MAST1: variants seen among roughly 807,000 people sequenced by gnomAD.
The protein encoded by MAST1 is microtubule associated serine/threonine kinase 1.
Under a neutral mutation model 124.6 loss-of-function variants are expected in MAST1, and 40 were observed. That is an observed-to-expected ratio of 0.32 (90% CI 0.25 to 0.42). MAST1 has a LOEUF of 0.42. Ranked by LOEUF, MAST1 falls within the 10% of genes least tolerant of loss-of-function variation. The probability of loss-of-function intolerance (pLI) is 1.00; values close to 1 mark genes in which losing one functional copy is unlikely to be tolerated. For synonymous variants in MAST1, 938 were observed against 939.4 expected, an observed-to-expected ratio of 1.00 and a Z score of 0.03; for missense variants, 1,558 against 2,181.9, an observed-to-expected ratio of 0.71 and a Z score of 5.70.
chr19:12,874,552 C>T lies in MAST1; in HGVS notation c.4395C>T (p.Pro1465=). The T allele has an allele frequency of 6.6e-7, 1 of 1,512,416 alleles. No homozygotes were observed. Among genetic ancestry groups the T allele is most frequent in the Non-Finnish European group, 8.8e-7 (1 of 1,134,666 alleles). 93.7% of individuals were successfully genotyped at this position (1,512,416 alleles called of 1,614,324 possible). A position where few individuals can be genotyped will look rare whatever the true frequency, so the allele number is the denominator to read the frequency against. The stretch of plus-strand genomic sequence containing the variant: ...CCAAGGGGTTGCAGGAACCCGCACC[C>T]CTGGCGCCTTCCGTGCCCGAGGCCC... ...ADSKGLQEPA[P]LAPSVPEAPR... Residue 1465 remains proline, a synonymous_variant, in exon 26 of 26, where the codon CCC becomes CCT. Transcript: ENST00000251472. The surrounding 1 kb of genome is among the most constrained non-coding windows in gnomAD (Gnocchi z 6.6).
intron 12 of MAST1, among the ~76,000 whole-genome samples, chr19:12,859,778 T>C (rs997325455): frequency 8.7e-5 from 13 of 148,582 alleles, no homozygotes; most frequent in African/African-American, 3.2e-4. Flanking sequence ...TAGGCTGAGA[T>C]CATGCCATTG....
chr19:12,845,411 CAAAAA>C (rs540488398), intron 4 of MAST1, among the ~76,000 whole-genome samples: 3 of 69,108 alleles, frequency 4.3e-5, no homozygotes, highest in African/African-American at 1.9e-4. Flanking sequence ...CCTGTTTCTA[CAAAAA>C]AAAAAAAAAA....
rs566529785 is a variant in MAST1 at position 12,865,232 on chromosome 19, G to A, written c.1638+54G>A. ...GGGTGGAGTGACCCTGCAGGACCTC[G>A]GGAACCCAGGGCCTGGTGGGGGGCA... On this transcript the variant is annotated intron_variant, in intron 14 of 25. Coordinates refer to ENST00000251472, the MANE Select transcript of MAST1 (RefSeq NM_014975.3). This position sits in a 1 kb window ranked among gnomAD's most constrained non-coding sequence, Gnocchi z 7.1. 9.7e-4 allele frequency: 1,545 copies of A among 1,594,536 alleles called. 1 individual carries two copies. Among genetic ancestry groups the A allele is most frequent in the Admixed American group, 1.4e-3 (82 of 58,400 alleles).
rs57798756 is a variant in MAST1 at position 12,842,292 on chromosome 19, C to CT, written c.249-1227dup. ...GTTTACTGTCTCTCTCTCTCTCTCTCTTTTTTTTTTCTTTTCTTGAGACAG... is the reference window on the plus strand; with the variant it reads ...GTTTACTGTCTCTCTCTCTCTCTCTCTTTTTTTTTTTCTTTTCTTGAGACAG... On this transcript the variant is annotated intron_variant, in intron 3 of 25. Transcript: ENST00000251472. Among the ~76,000 whole-genome samples the CT allele has an allele frequency of 5.4e-3, 805 of 148,202 alleles. 8 individuals carry two copies. The highest frequency in any genetic ancestry group is 0.018 in the African/African-American group (735 of 40,344).
At chr19:12,873,171 T>C (rs1278073998) in intron 24 of MAST1, 153 bp from the exon 25 acceptor site, 7 of 706,006 alleles carry the variant, frequency 9.9e-6, no homozygotes, top group East Asian at 2.7e-5. Context: ...AGCACTGAGC[T>C]AAAGGAAGTT....
At chr19:12,855,028 C>T (rs1239494795) in intron 10 of MAST1, among the ~76,000 whole-genome samples, 1 of 151,896 alleles carries the variant, frequency 6.6e-6, no homozygotes, top group East Asian at 1.9e-4. Flanking sequence ...GTCAGGAAGT[C>T]GAGACCAGCC....
In MAST1 at chr19:12,865,912, A is replaced by C. The variant is rs1970148348; in HGVS notation, c.1907-68A>C. 2 of 1,608,908 alleles carry C rather than the reference A, an allele frequency of 1.2e-6. No homozygotes were observed. Among genetic ancestry groups the C allele is most frequent in the Non-Finnish European group, 1.7e-6 (2 of 1,176,468 alleles). The stretch of plus-strand genomic sequence containing the variant: ...GCCTGTGCTGTGGCCCCGGGGCGGA[A>C]GACATGGGGGGCGGGGCTGGGCTGC... On this transcript the variant is annotated intron_variant, in intron 16 of 25. Coordinates refer to ENST00000251472, the MANE Select transcript of MAST1 (RefSeq NM_014975.3). The surrounding 1 kb of genome is among the most constrained non-coding windows in gnomAD (Gnocchi z 7.1).
Position 12,869,032 on chromosome 19 carries a change from G to T in MAST1, c.2774-34G>T, listed in dbSNP as rs1260798910. The T allele has an allele frequency of 1.9e-6, 3 of 1,604,138 alleles. No homozygotes were observed. In the African/African-American group the frequency reaches 4.0e-5, roughly 21 times the overall value. ...ATACAGGGAGATGTCTATCTTCTTGGTTCTGATTTCTGACCATGGTTGTGT... is the reference window on the plus strand; with the variant it reads ...ATACAGGGAGATGTCTATCTTCTTGTTTCTGATTTCTGACCATGGTTGTGT... On this transcript the variant is annotated intron_variant, in intron 21 of 25. Transcript: ENST00000251472.
In MAST1 at chr19:12,848,267, G is replaced by C. The variant is rs183066162; in HGVS notation, c.774+210G>C. ...AATTTCACCTCGCTCATTTCCCTTAGGTCTTTACTCAAATGTCACCTTTTC... is the reference window on the plus strand; with the variant it reads ...AATTTCACCTCGCTCATTTCCCTTACGTCTTTACTCAAATGTCACCTTTTC... On this transcript the variant is annotated intron_variant, in intron 7 of 25. Transcript: ENST00000251472. 2.4e-4 allele frequency: 139 copies of C among 574,872 alleles called. No individual in the cohort carries two copies. In the African/African-American group the frequency reaches 2.5e-3, roughly 10 times the overall value. 35.6% of individuals were successfully genotyped at this position (574,872 alleles called of 1,614,324 possible).
At position 12,851,944 on chromosome 19, in the gene MAST1, G is replaced by T; in HGVS notation, c.785G>T (p.Arg262Leu). 6.2e-7 allele frequency: 1 copy of T among 1,613,788 alleles called. No individual in the cohort carries two copies. ...TGTCCCCTGCCACAGGCCTATGAAC[G>T]CTCTGAGAGCTTGGAGGTGGCCTTC... ...LEKLLQDAYE[R>L]SESLEVAFVT... is the part of the protein sequence containing the mutation. The change falls in exon 8 of 26, where the codon CGC becomes CTC. Residue 262 changes from arginine (R) to leucine (L), a missense_variant. Physicochemically the swap from Arg to Leu is moderately radical, Grantham distance 102. Around this residue, in one of 10 missense-constraint regions of MAST1, gnomAD observed 165 missense variants for 315.3 expected, o/e 0.52. Transcript: ENST00000251472.
intron 10 of MAST1, among the ~76,000 whole-genome samples, chr19:12,853,253 G>A (rs1969984065): frequency 1.3e-5 from 2 of 151,026 alleles, no homozygotes. Context: ...TTACAGGCAT[G>A]AGCCACCGCG....
rs530136642 is a variant in MAST1 at position 12,841,124 on chromosome 19, C to T, written c.248+58C>T. ...TGGGCAGACCCTCCCCAACCACTGT[C>T]TGGGCCGCCATCTGTTCTCCTCCTA... On this transcript the variant is annotated intron_variant, in intron 3 of 25. Coordinates refer to ENST00000251472, the MANE Select transcript of MAST1 (RefSeq NM_014975.3). The surrounding 1 kb of genome is among the most constrained non-coding windows in gnomAD (Gnocchi z 4.3). 8.0e-5 allele frequency: 67 copies of T among 832,950 alleles called. 1 individual carries two copies. The highest frequency in any genetic ancestry group is 1.1e-4 in the Non-Finnish European group (54 of 481,160). 51.6% of individuals were successfully genotyped at this position (832,950 alleles called of 1,614,324 possible). A position where few individuals can be genotyped will look rare whatever the true frequency, so the allele number is the denominator to read the frequency against.
chr19:12,853,871 A>AAATAATAAT lies in MAST1; in HGVS notation c.1077+1507_1077+1515dup, dbSNP rs58815071. On this transcript the variant is annotated intron_variant, in intron 10 of 25. Coordinates refer to ENST00000251472, the MANE Select transcript of MAST1 (RefSeq NM_014975.3). ...GGCAACAGAGCGAGACTCTGTCTCA[A>AAATAATAAT]AATAATAATAATAATAATAATAATA... Among the ~76,000 whole-genome samples the AAATAATAAT allele has an allele frequency of 4.9e-5, 7 of 142,950 alleles. 1 individual carries two copies. The highest frequency in any genetic ancestry group is 1.5e-4 in the African/African-American group (6 of 38,938). The allele number at this position is 142,950 out of a possible 152,430, so 93.8% of individuals were successfully genotyped here.
rs1331310788 is a variant in MAST1 at position 12,869,172 on chromosome 19, T to G, written c.2880T>G (p.Ala960=). The part of the protein sequence containing the change: ...DSSPSRDYSP[A]VSGLRSPITI... ...CACCCAGCCGGGACTACTCACCAGC[T>G]GTCAGTGGGCTCCGCTCCCCCATCA... The change falls in exon 22 of 26, where the codon GCT becomes GCG. Residue 960 remains alanine, a synonymous_variant. Coordinates refer to ENST00000251472, the MANE Select transcript of MAST1 (RefSeq NM_014975.3). The G allele has an allele frequency of 6.2e-7, 1 of 1,614,202 alleles. No homozygotes were observed. The highest frequency in any genetic ancestry group is 1.1e-5 in the South Asian group (1 of 91,092).
intron 12 of MAST1, among the ~76,000 whole-genome samples, chr19:12,864,250 C>A (rs1182169766): frequency 6.6e-6 from 1 of 152,074 alleles, no homozygotes; most frequent in Non-Finnish European, 1.5e-5. Flanking sequence ...TAAAAATCAG[C>A]TGGGCATGGT....
In MAST1 at chr19:12,843,728, C is replaced by G. The variant is rs1969858768; in HGVS notation, c.327+121C>G. ...CTTGATGACAGTTTAGGGCCAGGCT[C>G]AGTGACTCAAGCCTGTAATCCCAGT... On this transcript the variant is annotated intron_variant, in intron 4 of 25. Transcript: ENST00000251472. This position sits in a 1 kb window ranked among gnomAD's most constrained non-coding sequence, Gnocchi z 4.9. 2.5e-6 allele frequency: 2 copies of G among 786,114 alleles called. No individual in the cohort carries two copies. The highest frequency in any genetic ancestry group is 5.2e-5 in the Admixed American group (2 of 38,418). 48.7% of individuals were successfully genotyped at this position (786,114 alleles called of 1,614,324 possible). A position where few individuals can be genotyped will look rare whatever the true frequency, so the allele number is the denominator to read the frequency against.
In MAST1 at chr19:12,871,133, G is replaced by T; in HGVS notation, c.3224G>T (p.Arg1075Leu). Residue 1075 changes from arginine to leucine, a missense_variant, in exon 24 of 26, where the codon CGG (arginine) becomes CTG (leucine). Around this residue, in one of 10 missense-constraint regions of MAST1, gnomAD observed 291 missense variants for 475.8 expected, o/e 0.61. Coordinates refer to ENST00000251472, the MANE Select transcript of MAST1 (RefSeq NM_014975.3). ...AGCAGCTACAAGGCTAAAATGGCTC[G>T]GAGGAACAAGCGACCCTCCGCCAAG... Reference protein sequence around the residue: ...RRSSYKAKMARRNKRPSAKEG... With the variant: ...RRSSYKAKMALRNKRPSAKEG... 1 of 1,614,152 alleles carries T rather than the reference G, an allele frequency of 6.2e-7. No homozygotes were observed. Among genetic ancestry groups the T allele is most frequent in the East Asian group, 2.2e-5 (1 of 44,880 alleles).
intron 10 of MAST1, among the ~76,000 whole-genome samples, chr19:12,853,219 T>C (rs62108432): frequency 0.33 from 50,047 of 151,250 alleles, 8,834 homozygotes; most frequent in East Asian, 0.63. Flanking sequence ...GATCTGCCCA[T>C]CTCGGCCTCC....
chr19:12,869,320 C>T (rs764415372), intron 22 of MAST1, 25 bp downstream of exon 22: 8 of 1,589,234 alleles, frequency 5.0e-6, no homozygotes, highest in Non-Finnish European at 6.9e-6. Context: ...GTGGAGTCTC[C>T]ATCACAGAGT....
Sources: allele counts gnomAD v4.1 joint callset (sites outside exome capture counted in the v4.1 genomes callset), GRCh38; gene constraint gnomAD v4.1.1; regional missense constraint gnomAD v4.1.1; non-coding constraint Gnocchi (gnomAD v3.1); transcripts MANE v1.5; gene names NCBI Gene and HGNC (gene_info 2026-07-23, HGNC 2026-07-21).